The following MAPRE3 variants were observed in gnomAD, a reference collection of about 807,000 sequenced individuals.
The protein encoded by MAPRE3 is microtubule associated protein RP/EB family member 3, also known as microtubule-associated protein RP/EB family member 3.
In MAPRE3, 2 loss-of-function variants were observed where a neutral mutation model predicts 30.5. The ratio of observed to expected loss-of-function variants is 0.07; its 90% confidence interval spans 0.03 to 0.21. The LOEUF is 0.21. Among genes scored for constraint, MAPRE3 ranks in the 10% least tolerant of loss-of-function variants. The pLI is 1.00. For missense variants in MAPRE3, 204 were observed against 351.8 expected (o/e 0.58, Z 3.36); for synonymous variants, 110 against 127.7 (o/e 0.86, Z 0.93).
At chr2:26,991,750 T>C (rs562485650) in intron 1 of MAPRE3, among the ~76,000 whole-genome samples, 1 of 152,342 alleles carries the variant, frequency 6.6e-6, no homozygotes, top group South Asian at 2.1e-4. Context: ...TGGCAACGTC[T>C]AGGCACGCAT....
rs200983232 is a variant in MAPRE3, at chr2:27,004,582, GT to G, written c.-7-17628del. On this transcript the variant is annotated intron_variant, in intron 1 of 6. Coordinates refer to ENST00000233121, the MANE Select transcript of MAPRE3 (RefSeq NM_012326.4). ...TGGAGTATGGCAACAGCACTCCTGA[GT>G]TACAGGCATGCGCCACCATGCCCAG... Among the ~76,000 whole-genome samples the G allele has an allele frequency of 8.3e-3, 1,267 of 152,198 alleles. 19 individuals carry two copies. Among genetic ancestry groups the G allele is most frequent in the African/African-American group, 0.03 (1,233 of 41,518 alleles).
chr2:26,977,280 C>T (rs1666031626), intron 1 of MAPRE3, among the ~76,000 whole-genome samples: 1 of 152,212 alleles, frequency 6.6e-6, no homozygotes, highest in Admixed American at 6.5e-5. Context: ...CATTTTAAAA[C>T]CAGTGACTTC....
chr2:26,974,200 A>C (rs1264535288), intron 1 of MAPRE3, among the ~76,000 whole-genome samples: 4 of 152,162 alleles, frequency 2.6e-5, no homozygotes, highest in African/African-American at 9.7e-5. Context: ...CATCCCTCAT[A>C]ATGTTCCAAA....
chr2:27,026,683 G>C lies in MAPRE3; in HGVS notation c.*335G>C, dbSNP rs779128424. The C allele has an allele frequency of 1.0e-4, 31 of 295,540 alleles. No individual in the cohort carries two copies. Among genetic ancestry groups the C allele is most frequent in the Middle Eastern group, 8.8e-4 (1 of 1,138 alleles). 18.3% of individuals were successfully genotyped at this position (295,540 alleles called of 1,614,324 possible). On this transcript the variant is annotated 3_prime_UTR_variant, in exon 7 of 7. Coordinates refer to ENST00000233121, the MANE Select transcript of MAPRE3 (RefSeq NM_012326.4). ...CCTGACAGCCAGCAGCTGTGTATTT[G>C]ACAAAGTCATTGGTATATTTTTACT...
At chr2:26,981,922 C>T (rs953967877) in intron 1 of MAPRE3, among the ~76,000 whole-genome samples, 2 of 152,220 alleles carry the variant, frequency 1.3e-5, no homozygotes, top group Non-Finnish European at 2.9e-5. Context: ...CAGATCCCTA[C>T]TGAGCCATGC....
chr2:26,991,537 A>G (rs1666343693), intron 1 of MAPRE3, among the ~76,000 whole-genome samples: 1 of 151,820 alleles, frequency 6.6e-6, no homozygotes, highest in South Asian at 2.1e-4. Context: ...TCAAATCCCT[A>G]CTCCAGTTCT....
chr2:27,020,496 A>G (rs7606840), intron 1 of MAPRE3, among the ~76,000 whole-genome samples: 80,724 of 152,080 alleles, frequency 0.53, 23,108 homozygotes, highest in East Asian at 0.77. Flanking sequence ...TTTTCTTAAC[A>G]GCGCAAGTCA....
At chr2:27,009,568 A>C (rs1386337217) in intron 1 of MAPRE3, among the ~76,000 whole-genome samples, 1 of 152,238 alleles carries the variant, frequency 6.6e-6, no homozygotes, top group African/African-American at 2.4e-5. Flanking sequence ...TGTTGACTAA[A>C]ATACTGTGTA....
chr2:27,025,175 T>C (rs981212192), intron 4 of MAPRE3, among the ~76,000 whole-genome samples: 13 of 152,154 alleles, frequency 8.5e-5, no homozygotes, highest in African/African-American at 3.1e-4. Context: ...GACAATGGCT[T>C]TGGGCTGGGG....
At chr2:27,011,343 G>T (rs894914951) in intron 1 of MAPRE3, among the ~76,000 whole-genome samples, 13 of 152,134 alleles carry the variant, frequency 8.5e-5, no homozygotes, top group African/African-American at 3.1e-4. Flanking sequence ...ACACTTAAAA[G>T]CCAAAGGTGC....
chr2:27,018,107 C>A (rs1667027036), intron 1 of MAPRE3, among the ~76,000 whole-genome samples: 1 of 152,190 alleles, frequency 6.6e-6, no homozygotes, highest in Non-Finnish European at 1.5e-5. Flanking sequence ...TCAGTAGTCA[C>A]CCCTTGAAAT....
At chr2:27,010,267 T>C (rs572455795) in intron 1 of MAPRE3, among the ~76,000 whole-genome samples, 1 of 152,198 alleles carries the variant, frequency 6.6e-6, no homozygotes, top group South Asian at 2.1e-4. Flanking sequence ...TTTCTTATCT[T>C]GCTTTTCATT....
At chr2:26,979,915 G>A (rs1180316015) in intron 1 of MAPRE3, among the ~76,000 whole-genome samples, 2 of 152,146 alleles carry the variant, frequency 1.3e-5, no homozygotes, top group Non-Finnish European at 2.9e-5. Context: ...CATCCAAGTT[G>A]AGTGATCTCA....
chr2:27,004,102 C>T lies in MAPRE3; in HGVS notation c.-7-18110C>T, dbSNP rs181818825. ...CATACACATAATGATGTCCAAAAAG[C>T]GCTTCTATTTTACTGTAAGAAACTC... On this transcript the variant is annotated intron_variant, in intron 1 of 6. Transcript: ENST00000233121. Among the ~76,000 whole-genome samples the T allele has an allele frequency of 2.1e-3, 319 of 152,302 alleles. 2 individuals carry two copies. Among genetic ancestry groups the T allele is most frequent in the South Asian group, 0.016 (79 of 4,824 alleles).
intron 1 of MAPRE3, among the ~76,000 whole-genome samples, chr2:26,980,426 G>C (rs964457965): frequency 1.4e-4 from 21 of 152,170 alleles, no homozygotes; most frequent in Non-Finnish European, 2.5e-4. Flanking sequence ...GTAGTATGTG[G>C]TTCTTAAAAT....
intron 3 of MAPRE3, 46 bp from the exon 4 acceptor site, chr2:27,024,050 A>G (rs1315463929): frequency 4.7e-6 from 7 of 1,497,734 alleles, no homozygotes; most frequent in Non-Finnish European, 6.5e-6. Context: ...AGGCGGTCCT[A>G]CAGCAGCAGG....
In MAPRE3 at chr2:27,021,483, T is replaced by G. The variant is rs569952271; in HGVS notation, c.-7-729T>G. Among the ~76,000 whole-genome samples the G allele has an allele frequency of 2.6e-4, 39 of 152,338 alleles. No individual in the cohort carries two copies. The South Asian group carries it at 7.9e-3, about 31-fold the overall frequency. On this transcript the variant is annotated intron_variant, in intron 1 of 6. Coordinates refer to ENST00000233121, the MANE Select transcript of MAPRE3 (RefSeq NM_012326.4). ...TGGACAAGCAGAATTTAGATGCCTC[T>G]GCATCAGCCACAGGAATGTGGAGTC...
intron 1 of MAPRE3, among the ~76,000 whole-genome samples, chr2:27,002,533 C>G (rs931965563): frequency 1.3e-5 from 2 of 151,492 alleles, no homozygotes; most frequent in African/African-American, 2.4e-5. Context: ...GTTTTTTGTT[C>G]TGTCATTAAG....
chr2:27,017,953 A>C (rs1330657543), intron 1 of MAPRE3, among the ~76,000 whole-genome samples: 1 of 152,196 alleles, frequency 6.6e-6, no homozygotes, highest in East Asian at 1.9e-4. Flanking sequence ...TCTGCAATGC[A>C]TGGAAGAGGC....
Sources: gnomAD v4.1 joint callset for allele counts (sites outside exome capture counted in the v4.1 genomes callset) on GRCh38, gnomAD v4.1.1 for gene constraint, MANE v1.5 for transcripts, NCBI Gene and HGNC (gene_info 2026-07-23, HGNC 2026-07-21) for gene names.